Variants in LOC400499 observed in about 807,000 individuals in gnomAD.
At chr16:11,386,286 C>G in the LOC400499 span, among the ~76,000 whole-genome samples, 1 of 152,130 alleles carries the variant, frequency 6.6e-6, no homozygotes, top group African/African-American at 2.4e-5. Flanking sequence ...CCAGGAAGCA[C>G]CATCTATGGT....
chr16:11,445,490 TG>T, the LOC400499 span, among the ~76,000 whole-genome samples: 3 of 151,514 alleles, frequency 2.0e-5, no homozygotes, highest in Non-Finnish European at 4.4e-5. Flanking sequence ...TGAGGTGGTC[TG>T]GGGGTCAGGT....
chr16:11,448,750 G>GA, the LOC400499 span, among the ~76,000 whole-genome samples: 6 of 151,548 alleles, frequency 4.0e-5, 1 homozygote, highest in East Asian at 1.2e-3. Flanking sequence ...AGAAGGAAAA[G>GA]GAAAAAGGAA....
chr16:11,453,639 T>C, the LOC400499 span, among the ~76,000 whole-genome samples: 1 of 151,948 alleles, frequency 6.6e-6, no homozygotes, highest in Non-Finnish European at 1.5e-5. Flanking sequence ...AATCGGCTCT[T>C]GAACAGAACC....
chr16:11,424,857 G>A, the LOC400499 span, among the ~76,000 whole-genome samples: 1 of 152,284 alleles, frequency 6.6e-6, no homozygotes, highest in South Asian at 2.1e-4. Context: ...GGAATTGGGG[G>A]TGGGAGGCCT....
chr16:11,396,374 T>G, the LOC400499 span: 1 of 817,750 alleles, frequency 1.2e-6, no homozygotes, highest in Non-Finnish European at 1.6e-6. Flanking sequence ...CCATCCAGAA[T>G]GCTGGTTTGC....
the LOC400499 span, chr16:11,460,661 C>T: frequency 1.4e-6 from 2 of 1,479,532 alleles, no homozygotes; most frequent in Non-Finnish European, 1.8e-6. Context: ...GGCAGCCCTC[C>T]ACCAGGGCTC....
chr16:11,485,351 C>T, the LOC400499 span, among the ~76,000 whole-genome samples: 1 of 152,156 alleles, frequency 6.6e-6, no homozygotes, highest in African/African-American at 2.4e-5. Context: ...CCTGAACTCC[C>T]ATGTCACTCT....
At chr16:11,373,326 T>C in the LOC400499 span, among the ~76,000 whole-genome samples, 1 of 152,210 alleles carries the variant, frequency 6.6e-6, no homozygotes, top group African/African-American at 2.4e-5. Flanking sequence ...CCTCATCTGC[T>C]ACGAGAACTG....
chr16:11,483,642 G>T, the LOC400499 span, among the ~76,000 whole-genome samples: 7 of 151,206 alleles, frequency 4.6e-5, no homozygotes, highest in African/African-American at 1.5e-4. Flanking sequence ...AAGGCAGGAG[G>T]ATTACTTGAG....
At chr16:11,491,450 C>A in the LOC400499 span, among the ~76,000 whole-genome samples, 2 of 151,902 alleles carry the variant, frequency 1.3e-5, no homozygotes, top group South Asian at 2.1e-4. Context: ...AAACTGAGGA[C>A]CAGAGAGGAG....
At chr16:11,484,601 T>C in the LOC400499 span, among the ~76,000 whole-genome samples, 1 of 152,148 alleles carries the variant, frequency 6.6e-6, no homozygotes, top group African/African-American at 2.4e-5. Context: ...GAAGATGGTC[T>C]GGGTGCTGGT....
chr16:11,475,833 C>A, the LOC400499 span: 1 of 389,662 alleles, frequency 2.6e-6, no homozygotes, highest in Non-Finnish European at 4.5e-6. Context: ...GCGGGGCCAG[C>A]CTTTGGGCAG....
At chr16:11,411,320 G>A in the LOC400499 span, 1 of 399,386 alleles carries the variant, frequency 2.5e-6, no homozygotes, top group Non-Finnish European at 4.4e-6. Flanking sequence ...GAGAACAGCA[G>A]CTCTTTGCTA....
the LOC400499 span, among the ~76,000 whole-genome samples, chr16:11,422,440 C>CTGAAA: frequency 3.0e-4 from 46 of 151,162 alleles, no homozygotes; most frequent in South Asian, 2.5e-3. Context: ...CAGAACGGAA[C>CTGAAA]GGAAAGGAAA....
At chr16:11,397,898 G>A in the LOC400499 span, among the ~76,000 whole-genome samples, 20 of 152,032 alleles carry the variant, frequency 1.3e-4, no homozygotes, top group Non-Finnish European at 2.1e-4. Flanking sequence ...GGGATGGATG[G>A]AAGATAGGAA....
chr16:11,376,532 A>G, the LOC400499 span, among the ~76,000 whole-genome samples: 1 of 152,106 alleles, frequency 6.6e-6, no homozygotes, highest in African/African-American at 2.4e-5. Flanking sequence ...TAGACTCTGT[A>G]TTTCATTCCA....
chr16:11,449,177 A>G, the LOC400499 span: 2 of 1,276,006 alleles, frequency 1.6e-6, no homozygotes, highest in Non-Finnish European at 2.1e-6. Flanking sequence ...ATACCCTTTC[A>G]TCTCTTTCCT....
chr16:11,484,406 T>A, the LOC400499 span, among the ~76,000 whole-genome samples: 2 of 152,134 alleles, frequency 1.3e-5, no homozygotes, highest in Non-Finnish European at 2.9e-5. Flanking sequence ...TGTACATGGG[T>A]CAGAATGTAT....
At chr16:11,442,699 C>G in the LOC400499 span, among the ~76,000 whole-genome samples, 1 of 152,148 alleles carries the variant, frequency 6.6e-6, no homozygotes, top group Admixed American at 6.6e-5. Flanking sequence ...TTCTGATTTT[C>G]AATGGTAGCA....
Sources: allele counts gnomAD v4.1 joint callset (sites outside exome capture counted in the v4.1 genomes callset), GRCh38; gene constraint gnomAD v4.1.1; transcripts MANE v1.5.